ITGAV: variants seen among roughly 807,000 people sequenced by gnomAD.
ITGAV encodes integrin alpha-V.
Under a neutral mutation model 143.8 loss-of-function variants are expected in ITGAV, and 76 were observed. That is an observed-to-expected ratio of 0.53 (90% CI 0.44 to 0.64). ITGAV has a LOEUF of 0.64. ITGAV is among the 30% of genes least tolerant of loss of function. The pLI, the probability that ITGAV is intolerant of heterozygous loss-of-function variation, is 0.00. For missense variants in ITGAV, 1,193 were observed against 1,274.7 expected (o/e 0.94, Z 0.98); for synonymous variants, 453 against 446.7 (o/e 1.01, Z -0.18).
At chr2:186,668,596 T>C in intron 24 of ITGAV, 166 bp from the exon 25 acceptor site, 1 of 605,336 alleles carries the variant, frequency 1.7e-6, no homozygotes, top group Non-Finnish European at 2.9e-6. Context: ...ATGTTGAGTT[T>C]GATCATTTTT....
chr2:186,595,551 CTCTTT>C (rs1686728162), intron 1 of ITGAV, among the ~76,000 whole-genome samples: 1 of 151,942 alleles, frequency 6.6e-6, no homozygotes, highest in Non-Finnish European at 1.5e-5. Flanking sequence ...TTTCCTCTAT[CTCTTT>C]TCTTCCTTTC....
chr2:186,636,195 G>T lies in ITGAV; in HGVS notation c.745G>T (p.Asp249Tyr). 6.2e-7 allele frequency: 1 copy of T among 1,611,720 alleles called. No individual in the cohort carries two copies. ...TCGGACTGCACAAGCTATTTTTGAT[G>T]ACAGCTATTTGGGTAGGTAAAACCA... ...ATRTAQAIFD[D>Y]SYLGYSVAVG... Residue 249 changes from aspartate (D) to tyrosine (Y), a missense_variant, in exon 7 of 30, where the codon GAC (aspartate) becomes TAC (tyrosine). Asp to Tyr is a radical substitution (Grantham distance 160). Coordinates refer to ENST00000261023, the MANE Select transcript of ITGAV (RefSeq NM_002210.5).
At chr2:186,642,232 T>G (rs1469707699) in intron 12 of ITGAV, among the ~76,000 whole-genome samples, 1 of 151,428 alleles carries the variant, frequency 6.6e-6, no homozygotes, top group African/African-American at 2.4e-5. Context: ...TTACCAAGAT[T>G]TTTTTTTTAA....
At chr2:186,639,743 T>G (rs1688050756) in intron 10 of ITGAV, among the ~76,000 whole-genome samples, 1 of 152,194 alleles carries the variant, frequency 6.6e-6, no homozygotes, top group African/African-American at 2.4e-5. Context: ...TGCTGACAAC[T>G]TCCTCATGGG....
chr2:186,680,114 T>C lies in ITGAV; in HGVS notation c.*2822T>C, dbSNP rs1413979047. 1 of 152,242 alleles carries C rather than the reference T, an allele frequency of 6.6e-6. No homozygotes were observed. Among genetic ancestry groups the C allele is most frequent in the East Asian group, 1.9e-4 (1 of 5,188 alleles). The allele number at this position is 152,242 out of a possible 1,614,324, so 9.4% of individuals were successfully genotyped here. ...CTTCCTAAGTTGCAAAATGTAATGA[T>C]GAGCTTGGTGGAGAAGAATGAGTCG... On this transcript the variant is annotated 3_prime_UTR_variant, in exon 30 of 30. Coordinates refer to ENST00000261023, the MANE Select transcript of ITGAV (RefSeq NM_002210.5).
rs1230200808 is a variant in ITGAV at position 186,674,551 on chromosome 2, A to G, written c.2707-1053A>G. ...TTTGAAGAAAGAGTCTAGCTCTGTCACCGAGGCTGGAGTGCAGTGACATGA... is the reference window on the plus strand; with the variant it reads ...TTTGAAGAAAGAGTCTAGCTCTGTCGCCGAGGCTGGAGTGCAGTGACATGA... On this transcript the variant is annotated intron_variant, in intron 26 of 29. Transcript: ENST00000261023. Among the ~76,000 whole-genome samples, 3 of 151,646 alleles carry G rather than the reference A, an allele frequency of 2.0e-5. 1 individual carries two copies. In the East Asian group the frequency reaches 5.8e-4, roughly 29 times the overall value.
Position 186,646,672 on chromosome 2 carries a change from T to C in ITGAV, c.1160-14T>C. On this transcript the variant is annotated splice_polypyrimidine_tract_variant and intron_variant, in intron 12 of 29. Coordinates refer to ENST00000261023, the MANE Select transcript of ITGAV (RefSeq NM_002210.5). ...CTGTCATTCTCCTTCCCCCTCCTCT[T>C]TTTTTCCCCACAGATATTGCAATTG... 6.4e-7 allele frequency: 1 copy of C among 1,554,832 alleles called. No individual in the cohort carries two copies. Among genetic ancestry groups the C allele is most frequent in the Non-Finnish European group, 8.8e-7 (1 of 1,140,348 alleles).
intron 18 of ITGAV, among the ~76,000 whole-genome samples, chr2:186,659,782 CTT>C (rs898890280): frequency 7.0e-6 from 1 of 143,728 alleles, no homozygotes. Flanking sequence ...CCCATAAGCT[CTT>C]TTTTTTTTGG....
rs1181962214 is a variant in ITGAV, at chr2:186,640,912, C to T, written c.904-3C>T. On this transcript the variant is annotated splice_polypyrimidine_tract_variant and splice_region_variant and intron_variant, in intron 10 of 29. Coordinates refer to ENST00000261023, the MANE Select transcript of ITGAV (RefSeq NM_002210.5). ...AACATTTCATTTTCATCTTTTTATC[C>T]AGATGGCTGCATATTTCGGATTTTC... 1 of 1,586,596 alleles carries T rather than the reference C, an allele frequency of 6.3e-7. No homozygotes were observed. The highest frequency in any genetic ancestry group is 1.1e-5 in the South Asian group (1 of 88,214).
At chr2:186,676,707 A>G in intron 28 of ITGAV, 106 bp from the exon 29 acceptor site, 2 of 1,214,954 alleles carry the variant, frequency 1.6e-6, no homozygotes, top group Admixed American at 5.4e-5. Context: ...ATGCAGGAAA[A>G]GAATATACTG....
chr2:186,625,349 G>A, intron 3 of ITGAV, 124 bp from the exon 4 acceptor site: 1 of 638,900 alleles, frequency 1.6e-6, no homozygotes, highest in Non-Finnish European at 2.8e-6. Context: ...TCCAGCCTGG[G>A]CAACAGACTG....
At chr2:186,592,773 T>A (rs137994387) in intron 1 of ITGAV, among the ~76,000 whole-genome samples, 1 of 152,280 alleles carries the variant, frequency 6.6e-6, no homozygotes, top group African/African-American at 2.4e-5. Flanking sequence ...TTGCATATAA[T>A]ATTTTGAAAT....
chr2:186,596,452 CT>C (rs368936394), intron 1 of ITGAV, among the ~76,000 whole-genome samples: 233 of 136,274 alleles, frequency 1.7e-3, no homozygotes, highest in Middle Eastern at 3.6e-3. Flanking sequence ...GTATGTGTTG[CT>C]TTTTTTTTTT....
intron 2 of ITGAV, among the ~76,000 whole-genome samples, chr2:186,602,984 T>G (rs972883899): frequency 1.3e-5 from 2 of 152,106 alleles, no homozygotes; most frequent in Non-Finnish European, 2.9e-5. Flanking sequence ...ATTATGGTTC[T>G]GATAACAGGA....
In ITGAV at chr2:186,677,636, T is replaced by G. The variant is rs200967097; in HGVS notation, c.*344T>G. 54 of 191,374 alleles carry G rather than the reference T, an allele frequency of 2.8e-4. No homozygotes were observed. Among genetic ancestry groups the G allele is most frequent in the Non-Finnish European group, 4.0e-4 (37 of 92,460 alleles). The allele number at this position is 191,374 out of a possible 1,614,324, so 11.9% of individuals were successfully genotyped here. Reference sequence around the variant, plus strand: ...TGTTTCTGATTTAATGTACGGAACTTTATTTGTTGTTGTTGTTGTTGTTGT... The same window carrying G: ...TGTTTCTGATTTAATGTACGGAACTGTATTTGTTGTTGTTGTTGTTGTTGT... On this transcript the variant is annotated 3_prime_UTR_variant, in exon 30 of 30. Transcript: ENST00000261023.
At chr2:186,661,164 T>C (rs1330474900) in intron 18 of ITGAV, among the ~76,000 whole-genome samples, 1 of 152,220 alleles carries the variant, frequency 6.6e-6, no homozygotes, top group Admixed American at 6.5e-5. Flanking sequence ...TGTTTTTTAC[T>C]GTCTTCAAAA....
rs147151379 is a variant in ITGAV at position 186,627,738 on chromosome 2, G to C, written c.523+2151G>C. 7.3e-3 allele frequency among the ~76,000 whole-genome samples: 1,117 copies of C among 152,190 alleles called. 2 individuals carry two copies. The highest frequency in any genetic ancestry group is 0.014 in the South Asian group (69 of 4,812). ...GAGAGTTGAGTTGCCACACTGTGTG[G>C]CTCCTGAGCCTAAAATATTTACTGT... On this transcript the variant is annotated intron_variant, in intron 4 of 29. Transcript: ENST00000261023.
rs1409500933 is a variant in ITGAV, at chr2:186,590,487, G to C, written c.149G>C (p.Gly50Ala). The C allele has an allele frequency of 1.9e-6, 3 of 1,610,926 alleles. No individual in the cohort carries two copies. The East Asian group carries it at 6.8e-5, about 36-fold the overall frequency. The change falls in exon 1 of 30, where the codon GGC (glycine) becomes GCC (alanine). Residue 50 changes from glycine (G) to alanine (A), a missense_variant. By Grantham distance (60) the Gly-to-Ala change is moderately conservative. Transcript: ENST00000261023. ...EYSGPEGSYF[G>A]FAVDFFVPSA... ...TCTGGCCCCGAGGGAAGTTACTTCG[G>C]CTTCGCCGTGGATTTCTTCGTGCCC... is the stretch of plus-strand genomic sequence containing the variant.
At chr2:186,632,240 C>G (rs1172397809) in intron 5 of ITGAV, among the ~76,000 whole-genome samples, 1 of 151,950 alleles carries the variant, frequency 6.6e-6, no homozygotes, top group African/African-American at 2.4e-5. Flanking sequence ...TGATACATTT[C>G]CAAATAGGTA....
Sources: gnomAD v4.1 joint callset for allele counts (sites outside exome capture counted in the v4.1 genomes callset) on GRCh38, gnomAD v4.1.1 for gene constraint, MANE v1.5 for transcripts, NCBI Gene and HGNC (gene_info 2026-07-23, HGNC 2026-07-21) for gene names.